Variants in DOCK1 observed in about 807,000 individuals in gnomAD.
DOCK1 encodes the protein dedicator of cytokinesis protein 1.
A neutral mutation model predicts 262.7 loss-of-function variants in DOCK1; 138 were observed. The observed-to-expected ratio is 0.53, with a 90% CI of 0.46 to 0.61. DOCK1 has a LOEUF of 0.61. Among genes scored for constraint, DOCK1 ranks in the 20% least tolerant of loss-of-function variants. DOCK1 has a pLI of 0.00. For synonymous variants in DOCK1, 866 were observed against 867.4 expected, an observed-to-expected ratio of 1.00 and a Z score of 0.03; for missense variants, 1,908 against 2,370.7, an observed-to-expected ratio of 0.80 and a Z score of 4.05.
intron 38 of DOCK1, among the ~76,000 whole-genome samples, chr10:127,389,991 G>A (rs1338072702): frequency 1.4e-5 from 2 of 142,454 alleles, no homozygotes; most frequent in African/African-American, 5.3e-5. Context: ...TCCAGCCTGG[G>A]CGACAGGAAC....
intron 27 of DOCK1, chr10:127,137,874 G>T: frequency 1.2e-6 from 2 of 1,614,092 alleles, no homozygotes; most frequent in Non-Finnish European, 1.7e-6. Flanking sequence ...GTGCTTTTTA[G>T]ATTCAGTTTT....
intron 31 of DOCK1, among the ~76,000 whole-genome samples, chr10:127,350,883 C>G (rs190747550): frequency 1.3e-5 from 2 of 152,276 alleles, no homozygotes; most frequent in Non-Finnish European, 2.9e-5. Context: ...AGAGTGGCTC[C>G]AGTGCTTGCC....
chr10:127,350,480 G>A (rs1293090886), intron 31 of DOCK1, among the ~76,000 whole-genome samples: 3 of 152,098 alleles, frequency 2.0e-5, no homozygotes, highest in Non-Finnish European at 4.4e-5. Flanking sequence ...TCAAATCTCA[G>A]AGCAAATATT....
chr10:126,970,730 G>A lies in DOCK1; in HGVS notation c.75G>A (p.Ala25=), dbSNP rs189805121. 2.5e-5 allele frequency: 40 copies of A among 1,612,980 alleles called. No individual in the cohort carries two copies. In the South Asian group the frequency reaches 4.2e-4, roughly 17 times the overall value. Residue 25 remains alanine, a synonymous_variant, in exon 2 of 52, where the codon GCG becomes GCA. Transcript: ENST00000623213. ...TTTATAACTATGATGCCAGAGGAGC[G>A]GATGAACTTTCTTTACAGATCGGAG... ...VAFYNYDARG[A]DELSLQIGDT...
At chr10:127,219,137 G>C (rs2058327932) in intron 27 of DOCK1, among the ~76,000 whole-genome samples, 1 of 152,168 alleles carries the variant, frequency 6.6e-6, no homozygotes, top group Non-Finnish European at 1.5e-5. Flanking sequence ...AAGTAGTGGG[G>C]ACTGCAGATT....
intron 23 of DOCK1, among the ~76,000 whole-genome samples, chr10:127,083,559 A>G (rs149504829): frequency 3.9e-5 from 6 of 152,370 alleles, no homozygotes; most frequent in Non-Finnish European, 2.9e-5. Flanking sequence ...GATAGATAAT[A>G]AAACAGAGTG....
At chr10:127,358,527 TTTA>T (rs1166477820) in intron 32 of DOCK1, among the ~76,000 whole-genome samples, 1 of 152,180 alleles carries the variant, frequency 6.6e-6, no homozygotes, top group Non-Finnish European at 1.5e-5. Context: ...TTACATTTTG[TTTA>T]TTACATCCAG....
chr10:126,955,799 C>T (rs1565005359), intron 1 of DOCK1, among the ~76,000 whole-genome samples: 1 of 152,160 alleles, frequency 6.6e-6, no homozygotes. Flanking sequence ...CTGTGAAGGG[C>T]GGCTTACCAC....
chr10:127,009,843 C>T (rs2041298699), intron 11 of DOCK1, among the ~76,000 whole-genome samples: 1 of 151,828 alleles, frequency 6.6e-6, no homozygotes. Context: ...CCCACGCATC[C>T]TTGGTGATGG....
intron 1 of DOCK1, among the ~76,000 whole-genome samples, chr10:126,955,116 C>T (rs1395897830): frequency 2.6e-5 from 4 of 152,108 alleles, no homozygotes; most frequent in Non-Finnish European, 5.9e-5. Context: ...AAATGTATCA[C>T]AGTTTTTGTT....
intron 29 of DOCK1, among the ~76,000 whole-genome samples, chr10:127,313,760 T>C (rs2062154363): frequency 6.6e-6 from 1 of 152,138 alleles, no homozygotes; most frequent in Admixed American, 6.5e-5. Flanking sequence ...ATATGCTGCC[T>C]AATGCTGGTT....
At chr10:126,910,570 G>C (rs2031620667) in intron 1 of DOCK1, among the ~76,000 whole-genome samples, 1 of 152,024 alleles carries the variant, frequency 6.6e-6, no homozygotes, top group Admixed American at 6.5e-5. Flanking sequence ...ATAGCCAAAT[G>C]CGGGTGTAAA....
rs776210962 is a variant in DOCK1, at chr10:127,032,281, A to T, written c.1873A>T (p.Ile625Phe). The T allele has an allele frequency of 5.0e-6, 8 of 1,591,156 alleles. No individual in the cohort carries two copies. The highest frequency in any genetic ancestry group is 6.0e-6 in the Non-Finnish European group (7 of 1,170,216). ...SCTISKDSFQISTLVCSTKLT... is the reference protein window; with the variant it reads ...SCTISKDSFQFSTLVCSTKLT... ...CACCATTAGCAAGGACTCCTTCCAG[A>T]TCTCCACGCTCGTGTGCTCCACCAA... Residue 625 changes from isoleucine (I) to phenylalanine (F), a missense_variant, in exon 18 of 52, where the codon ATC becomes TTC. By Grantham distance (21) the Ile-to-Phe change is conservative (BLOSUM62 0). Around this residue, in one of 9 missense-constraint regions of DOCK1, gnomAD observed 294 missense variants for 439.9 expected, o/e 0.67. Transcript: ENST00000623213.
At chr10:126,974,863 A>G (rs1237743207) in intron 2 of DOCK1, among the ~76,000 whole-genome samples, 1 of 152,122 alleles carries the variant, frequency 6.6e-6, no homozygotes, top group Non-Finnish European at 1.5e-5. Flanking sequence ...GAAATAGTGC[A>G]TGCCAAAAAT....
At chr10:126,942,220 T>C (rs2035068811) in intron 1 of DOCK1, among the ~76,000 whole-genome samples, 2 of 152,148 alleles carry the variant, frequency 1.3e-5, no homozygotes, top group African/African-American at 4.8e-5. Flanking sequence ...AGACAGGGTT[T>C]CACCATGTTA....
chr10:127,280,517 G>A (rs1208347492), intron 29 of DOCK1, among the ~76,000 whole-genome samples: 3 of 152,058 alleles, frequency 2.0e-5, no homozygotes, highest in Non-Finnish European at 4.4e-5. Context: ...AAAATTGAAG[G>A]CCAGAATGAA....
chr10:127,412,148 G>C (rs2067892630), intron 43 of DOCK1, among the ~76,000 whole-genome samples: 1 of 151,702 alleles, frequency 6.6e-6, no homozygotes, highest in African/African-American at 2.4e-5. Flanking sequence ...ATTTTTAGTA[G>C]AGACGGGGTT....
At chr10:126,972,868 C>T (rs999888039) in intron 2 of DOCK1, among the ~76,000 whole-genome samples, 24 of 151,714 alleles carry the variant, frequency 1.6e-4, no homozygotes, top group Non-Finnish European at 3.2e-4. Flanking sequence ...AAAAACCAGC[C>T]CCAGTCCTTA....
intron 38 of DOCK1, among the ~76,000 whole-genome samples, chr10:127,387,258 TG>T (rs1178614181): frequency 6.6e-6 from 1 of 152,248 alleles, no homozygotes; most frequent in African/African-American, 2.4e-5. Context: ...CGTCCTGAAA[TG>T]CACCAGCCCT....
Sources: allele counts gnomAD v4.1 joint callset (sites outside exome capture counted in the v4.1 genomes callset), GRCh38; gene constraint gnomAD v4.1.1; regional missense constraint gnomAD v4.1.1; transcripts MANE v1.5; gene names NCBI Gene and HGNC (gene_info 2026-07-23, HGNC 2026-07-21).